The following TNIP3 variants were observed in gnomAD, a reference collection of about 807,000 sequenced individuals.
TNIP3 encodes the protein TNFAIP3-interacting protein 3.
A neutral mutation model predicts 54.1 loss-of-function variants in TNIP3; 34 were observed. The ratio of observed to expected loss-of-function variants is 0.63; its 90% CI spans 0.48 to 0.84. The LOEUF is 0.84. TNIP3 is among the 40% of genes least tolerant of loss of function. The pLI, the probability that TNIP3 is intolerant of heterozygous loss-of-function variation, is 0.00. For missense variants in TNIP3, 366 were observed against 387.6 expected (o/e 0.94, Z 0.47); for synonymous variants, 134 against 136.8 (o/e 0.98, Z 0.14).
chr4:121,148,832 C>G (rs994684306), intron 6 of TNIP3, among the ~76,000 whole-genome samples: 1 of 152,166 alleles, frequency 6.6e-6, no homozygotes, highest in South Asian at 2.1e-4. Flanking sequence ...AATCTTTGTA[C>G]TTAGTACTTG....
At position 121,211,745 on chromosome 4, in the gene TNIP3, C is replaced by T. The variant is rs572202510; in HGVS notation, c.68+4670G>A. 4.6e-5 allele frequency among the ~76,000 whole-genome samples: 7 copies of T among 152,316 alleles called. No homozygotes were observed. In the South Asian group the frequency reaches 6.2e-4, roughly 14 times the overall value. ...GAGGGTCTGTATATTGAATTATCAA[C>T]TCAGAGATGTTTTCAGCATAAACTC... On this transcript the variant is annotated intron_variant, in intron 2 of 12. Transcript: ENST00000507879.
At chr4:121,181,342 T>G (rs1162537237) in intron 3 of TNIP3, among the ~76,000 whole-genome samples, 1 of 152,120 alleles carries the variant, frequency 6.6e-6, no homozygotes, top group Non-Finnish European at 1.5e-5. Flanking sequence ...AGGAATAAAT[T>G]TCTAGTTGGG....
chr4:121,168,420 C>T (rs1285496012), upstream of TNIP3, among the ~76,000 whole-genome samples: 3 of 151,920 alleles, frequency 2.0e-5, no homozygotes, highest in African/African-American at 4.8e-5. Context: ...AGGCTGTTCT[C>T]GAACTTCTGA....
At chr4:121,133,581 T>G (rs1579356095) in intron 10 of TNIP3, among the ~76,000 whole-genome samples, 2 of 152,310 alleles carry the variant, frequency 1.3e-5, no homozygotes, top group Admixed American at 1.3e-4. Context: ...CTTTTCAATT[T>G]GTACAGTGCT....
At chr4:121,204,792 A>C (rs1726092226) in intron 2 of TNIP3, among the ~76,000 whole-genome samples, 1 of 152,172 alleles carries the variant, frequency 6.6e-6, no homozygotes, top group Non-Finnish European at 1.5e-5. Flanking sequence ...TTATTTTCTA[A>C]ATTGGTTGCA....
At chr4:121,137,309 T>C (rs1313160435) in intron 10 of TNIP3, 1 of 152,220 alleles carries the variant, frequency 6.6e-6, no homozygotes, top group Non-Finnish European at 1.5e-5. Context: ...TAAAATTGCA[T>C]ATATTATGCA....
chr4:121,181,390 G>A (rs1724689804), intron 3 of TNIP3, among the ~76,000 whole-genome samples: 1 of 152,188 alleles, frequency 6.6e-6, no homozygotes, highest in Non-Finnish European at 1.5e-5. Flanking sequence ...GAGTTGGGAT[G>A]AGAAGAGCAG....
At chr4:121,145,738 T>G (rs1729389350) in intron 7 of TNIP3, among the ~76,000 whole-genome samples, 1 of 151,782 alleles carries the variant, frequency 6.6e-6, no homozygotes, top group Admixed American at 6.6e-5. Flanking sequence ...AAAACAAATA[T>G]TTTTTGTTCT....
intron 5 of TNIP3, among the ~76,000 whole-genome samples, chr4:121,150,818 G>A (rs150509907): frequency 5.6e-4 from 85 of 152,308 alleles, no homozygotes; most frequent in Middle Eastern, 3.4e-3. Context: ...GCTCTGTTGC[G>A]TTGCTCTTCT....
rs1272003714 is a variant in TNIP3, at chr4:121,182,824, A to ATT, written c.69-30_69-29dup. 2.0e-6 allele frequency: 3 copies of ATT among 1,533,340 alleles called. No individual in the cohort carries two copies. The African/African-American group carries it at 4.1e-5, about 21-fold the overall frequency. The allele number at this position is 1,533,340 out of a possible 1,614,324, so 95.0% of individuals were successfully genotyped here. A position where few individuals can be genotyped will look rare whatever the true frequency, so the allele number is the denominator to read the frequency against. ...GCCCAGAAAGACATGGGAAAGTTACATTATACAAAGGTAATTAAAAATTAT... is the reference window on the plus strand; with the variant it reads ...GCCCAGAAAGACATGGGAAAGTTACATTTTATACAAAGGTAATTAAAAATTAT... On this transcript the variant is annotated intron_variant, in intron 2 of 12. Transcript: ENST00000507879.
chr4:121,132,619 T>C lies in TNIP3; in HGVS notation c.*12A>G. The C allele has an allele frequency of 1.9e-6, 3 of 1,612,750 alleles. No homozygotes were observed. Among genetic ancestry groups the C allele is most frequent in the Non-Finnish European group, 2.5e-6 (3 of 1,178,862 alleles). On this transcript the variant is annotated 3_prime_UTR_variant, in exon 11 of 11. Transcript: ENST00000057513. The stretch of plus-strand genomic sequence containing the variant: ...CTCGTTGCCTGTTGTCTCTCTCTGT[T>C]AGTGTGTACTTCTACGGATGGACTT...
intron 2 of TNIP3, among the ~76,000 whole-genome samples, chr4:121,193,865 A>G (rs550596394): frequency 1.1e-4 from 16 of 152,284 alleles, no homozygotes; most frequent in African/African-American, 3.6e-4. Context: ...ATCTAATTAC[A>G]AGGAAACATT....
intron 3 of TNIP3, among the ~76,000 whole-genome samples, chr4:121,171,111 T>C (rs1459615895): frequency 6.6e-6 from 1 of 152,200 alleles, no homozygotes; most frequent in Non-Finnish European, 1.5e-5. Context: ...CCACCATGCC[T>C]TGCCAGTAAG....
At chr4:121,151,335 G>A (rs1389010365) in intron 5 of TNIP3, among the ~76,000 whole-genome samples, 1 of 152,098 alleles carries the variant, frequency 6.6e-6, no homozygotes, top group Non-Finnish European at 1.5e-5. Context: ...ATATAATATG[G>A]TCATAAAGGT....
chr4:121,175,746 C>T (rs749252932), intron 3 of TNIP3, among the ~76,000 whole-genome samples: 5 of 152,168 alleles, frequency 3.3e-5, no homozygotes, highest in Non-Finnish European at 7.3e-5. Context: ...CCCCTTGCAC[C>T]ACTTCTGTCC....
Position 121,157,186 on chromosome 4 carries a change from T to C in TNIP3, c.271A>G (p.Lys91Glu), listed in dbSNP as rs201350525. 424 of 1,610,982 alleles carry C rather than the reference T, an allele frequency of 2.6e-4. 4 individuals carry two copies. The highest frequency in any genetic ancestry group is 3.1e-5 in the Non-Finnish European group (37 of 1,177,186). The change falls in exon 4 of 11, where the codon AAG (lysine) becomes GAG (glutamate). Residue 91 changes from lysine (K) to glutamate (E), a missense_variant. By Grantham distance (56) the Lys-to-Glu change is moderately conservative. Coordinates refer to ENST00000057513, the MANE Select transcript of TNIP3 (RefSeq NM_024873.6). Reference sequence around the variant, plus strand: ...TTTCTCTGCCTCTGATGCGGATCCTTCTCCCGCGTGCTGAGGAATCTTTCC... The same window carrying C: ...TTTCTCTGCCTCTGATGCGGATCCTCCTCCCGCGTGCTGAGGAATCTTTCC... ...AAERFLSTRE[K>E]DPHQRQRKDD...
At chr4:121,225,704 A>G (rs946479497) in intron 1 of TNIP3, among the ~76,000 whole-genome samples, 1 of 152,232 alleles carries the variant, frequency 6.6e-6, no homozygotes, top group Non-Finnish European at 1.5e-5. Context: ...TTTTATCCTC[A>G]GCAGGAAGTA....
chr4:121,159,428 G>T (rs962621495), intron 2 of TNIP3, among the ~76,000 whole-genome samples: 9 of 152,110 alleles, frequency 5.9e-5, no homozygotes, highest in Non-Finnish European at 1.2e-4. Flanking sequence ...ATGATTGTCT[G>T]TAAGATTTCT....
chr4:121,191,694 C>A (rs1579468561), intron 2 of TNIP3, among the ~76,000 whole-genome samples: 1 of 152,152 alleles, frequency 6.6e-6, no homozygotes, highest in South Asian at 2.1e-4. Flanking sequence ...TGAGTCATGT[C>A]TAATAATTTT....
Sources: allele counts gnomAD v4.1 joint callset (sites outside exome capture counted in the v4.1 genomes callset), GRCh38; gene constraint gnomAD v4.1.1; transcripts MANE v1.5; gene names NCBI Gene and HGNC (gene_info 2026-07-23, HGNC 2026-07-21).